CNTROB: variants seen among roughly 807,000 people sequenced by gnomAD.
CNTROB encodes the protein centrobin, centriole duplication and spindle assembly protein, also known as centrobin.
In CNTROB, 82 loss-of-function variants were observed where a neutral mutation model predicts 115.7. The ratio of observed to expected loss-of-function variants is 0.71; its 90% CI spans 0.59 to 0.85. The LOEUF (loss-of-function observed/expected upper bound fraction) is 0.85. Among genes scored for constraint, CNTROB ranks in the 40% least tolerant of loss-of-function variants. The pLI is 0.00. For missense variants in CNTROB, 1,014 were observed against 1,144.4 expected (o/e 0.89, Z 1.64); for synonymous variants, 439 against 456.4 (o/e 0.96, Z 0.49).
At chr17:7,945,145 C>A in intron 12 of CNTROB, among the ~76,000 whole-genome samples, 1 of 151,966 alleles carries the variant, frequency 6.6e-6, no homozygotes. Flanking sequence ...AAGTCCTGCC[C>A]CAGAGTAGAG....
At chr17:7,937,284 A>G in intron 7 of CNTROB, 22 bp downstream of exon 7, 1 of 1,613,490 alleles carries the variant, frequency 6.2e-7, no homozygotes, top group Non-Finnish European at 8.5e-7. Context: ...GGACTGGGTT[A>G]ATTCCACTGG....
At position 7,948,843 on chromosome 17, in the gene CNTROB, G is replaced by A; in HGVS notation, c.2513+224G>A. 1 of 1,458,604 alleles carries A rather than the reference G, an allele frequency of 6.9e-7. No individual in the cohort carries two copies. The highest frequency in any genetic ancestry group is 9.0e-7 in the Non-Finnish European group (1 of 1,105,378). The allele number at this position is 1,458,604 out of a possible 1,614,324, so 90.4% of individuals were successfully genotyped here. ...CTAAACAAAAAAATCTTTTCCCCGG[G>A]TCTCTCTACCTTCGTTTTTTTCCTC... is the stretch of plus-strand genomic sequence containing the variant. On this transcript the variant is annotated intron_variant, in intron 17 of 18. Coordinates refer to ENST00000563694, the MANE Select transcript of CNTROB (RefSeq NM_053051.5). The surrounding 1 kb of genome is among the most constrained non-coding windows in gnomAD (Gnocchi z 4.4).
intron 7 of CNTROB, among the ~76,000 whole-genome samples, chr17:7,938,736 G>A (rs1322642259): frequency 1.3e-5 from 2 of 152,152 alleles, no homozygotes; most frequent in African/African-American, 4.8e-5. Context: ...TCTGGAACAG[G>A]AACTCTTATC....
rs750801100 is a variant in CNTROB, at chr17:7,935,119, T to C, written c.568T>C (p.Leu190=). The stretch of plus-strand genomic sequence containing the variant: ...AGATTTTCAGGGGCTGAGAGATGCA[T>C]TGGATTCAGAGCATACCCGCCGCAA... ...PPDFQGLRDA[L]DSEHTRRKHC... is the part of the protein sequence containing the mutation. The change falls in exon 4 of 19, where the codon TTG becomes CTG. Residue 190 remains leucine (L), a synonymous_variant. Coordinates refer to ENST00000563694, the MANE Select transcript of CNTROB (RefSeq NM_053051.5). The C allele has an allele frequency of 9.3e-6, 15 of 1,613,916 alleles. No homozygotes were observed. In the Admixed American group the frequency reaches 1.2e-4, roughly 13 times the overall value.
At position 7,933,237 on chromosome 17, in the gene CNTROB, G is replaced by A. The variant is rs149102058; in HGVS notation, c.158G>A (p.Arg53Gln). The stretch of plus-strand genomic sequence containing the variant: ...AGCCGGCAGGCGGAGGCCACGGCCC[G>A]AGCCCAGCTGTATTTACCCTCCACC... ...RLSRQAEATA[R>Q]AQLYLPSTSP... The change falls in exon 1 of 19, where the codon CGA becomes CAA. Residue 53 changes from arginine (R) to glutamine (Q), a missense_variant. By Grantham distance (43) the Arg-to-Gln change is conservative. Coordinates refer to ENST00000563694, the MANE Select transcript of CNTROB (RefSeq NM_053051.5). The A allele has an allele frequency of 3.3e-5, 54 of 1,614,124 alleles. No individual in the cohort carries two copies. The highest frequency in any genetic ancestry group is 4.2e-5 in the Non-Finnish European group (49 of 1,180,058).
chr17:7,934,497 A>T lies in CNTROB; in HGVS notation c.388A>T (p.Arg130Ter), dbSNP rs953334996. The change falls in exon 3 of 19, where the codon AGA (arginine) becomes TGA (stop). Residue 130 changes from arginine (R) to a stop codon, truncating the protein, a stop_gained. Transcript: ENST00000563694. LOFTEE classifies it high-confidence loss of function. Reference sequence around the variant, plus strand: ...TCTCATTCCTGGCGCTGGCTCAGAGAGACGGGAAGAGGACTCCTTTGACAG... The same window carrying T: ...TCTCATTCCTGGCGCTGGCTCAGAGTGACGGGAAGAGGACTCCTTTGACAG... ...DPLIPGAGSE[R>*]REEDSFDSDS... is the part of the protein sequence containing the mutation. 2.5e-6 allele frequency: 4 copies of T among 1,613,972 alleles called. No individual in the cohort carries two copies. The highest frequency in any genetic ancestry group is 3.4e-6 in the Non-Finnish European group (4 of 1,180,012).
chr17:7,943,544 T>C lies in CNTROB; in HGVS notation c.1445+20T>C, dbSNP rs1277838632. The C allele has an allele frequency of 6.2e-7, 1 of 1,602,350 alleles. No individual in the cohort carries two copies. Among genetic ancestry groups the C allele is most frequent in the Admixed American group, 1.7e-5 (1 of 59,380 alleles). On this transcript the variant is annotated intron_variant, in intron 10 of 18. Transcript: ENST00000563694. The surrounding 1 kb of genome is among the most constrained non-coding windows in gnomAD (Gnocchi z 4.7). ...TCACAGGTACGTGGGACTCACTGGG[T>C]GTCACTTCTCTCAGCCACAGCACGT...
intron 7 of CNTROB, among the ~76,000 whole-genome samples, chr17:7,937,669 G>T (rs1973344675): frequency 6.6e-6 from 1 of 152,050 alleles, no homozygotes; most frequent in Non-Finnish European, 1.5e-5. Flanking sequence ...TGGACATGGT[G>T]GTGCATGCCT....
intron 9 of CNTROB, among the ~76,000 whole-genome samples, chr17:7,941,190 G>A (rs1243115648): frequency 9.0e-6 from 1 of 111,678 alleles, no homozygotes; most frequent in African/African-American, 3.4e-5. Flanking sequence ...CTGTTTTTAT[G>A]TATAAAATGT....
At position 7,940,232 on chromosome 17, in the gene CNTROB, G is replaced by A. The variant is rs1210895133; in HGVS notation, c.1301G>A (p.Ser434Asn). Residue 434 changes from serine to asparagine, a missense_variant, in exon 9 of 19, where the codon AGC (serine) becomes AAC (asparagine). Transcript: ENST00000563694. ...RERDALQLEM[S>N]LVQARYESQR... ...AGAGATGCCCTGCAGCTGGAAATGA[G>A]CTTGGTGCAGGTCAGAAGGCAGAGG... 1 of 1,607,608 alleles carries A rather than the reference G, an allele frequency of 6.2e-7. No individual in the cohort carries two copies. Among genetic ancestry groups the A allele is most frequent in the Non-Finnish European group, 8.5e-7 (1 of 1,178,338 alleles).
At chr17:7,941,674 A>C (rs1357820610) in intron 9 of CNTROB, among the ~76,000 whole-genome samples, 1 of 150,730 alleles carries the variant, frequency 6.6e-6, no homozygotes, top group African/African-American at 2.4e-5. Flanking sequence ...AAGACTAAGA[A>C]AGCATCCGGG....
chr17:7,934,098 A>G (rs1249790032), intron 1 of CNTROB, 40 bp from the exon 2 acceptor site: 1 of 1,558,202 alleles, frequency 6.4e-7, no homozygotes, highest in Non-Finnish European at 8.9e-7. Context: ...GGAGATAGAT[A>G]ACACAGACTG....
In CNTROB at chr17:7,944,293, C is replaced by T; in HGVS notation, c.1571+45C>T. 2 of 1,605,976 alleles carry T rather than the reference C, an allele frequency of 1.2e-6. No homozygotes were observed. The highest frequency in any genetic ancestry group is 1.7e-6 in the Non-Finnish European group (2 of 1,172,692). On this transcript the variant is annotated intron_variant, in intron 11 of 18. Transcript: ENST00000563694. This position sits in a 1 kb window ranked among gnomAD's most constrained non-coding sequence, Gnocchi z 4.0. The stretch of plus-strand genomic sequence containing the variant: ...CCCTTTCAGGCCCCAGCCCCTTTCC[C>T]ATGGGTAGAGCCCAAACTGGGAACG...
In CNTROB at chr17:7,948,849, C is replaced by G; in HGVS notation, c.2513+230C>G. 6.9e-7 allele frequency: 1 copy of G among 1,458,382 alleles called. No individual in the cohort carries two copies. Among genetic ancestry groups the G allele is most frequent in the Non-Finnish European group, 9.0e-7 (1 of 1,105,450 alleles). The allele number at this position is 1,458,382 out of a possible 1,614,324, so 90.3% of individuals were successfully genotyped here. A position where few individuals can be genotyped will look rare whatever the true frequency, so the allele number is the denominator to read the frequency against. On this transcript the variant is annotated intron_variant, in intron 17 of 18. Coordinates refer to ENST00000563694, the MANE Select transcript of CNTROB (RefSeq NM_053051.5). The surrounding 1 kb of genome is among the most constrained non-coding windows in gnomAD (Gnocchi z 4.4). ...AAAAAAATCTTTTCCCCGGGTCTCT[C>G]TACCTTCGTTTTTTTCCTCTTTACC...
rs369077688 is a variant in CNTROB, at chr17:7,937,272, T to C, written c.927+10T>C. ...GGAAAGAGAGACACTGGTGAGAAGATTGGACTGGGTTAATTCCACTGGAAG... is the reference window on the plus strand; with the variant it reads ...GGAAAGAGAGACACTGGTGAGAAGACTGGACTGGGTTAATTCCACTGGAAG... On this transcript the variant is annotated intron_variant, in intron 7 of 18. Coordinates refer to ENST00000563694, the MANE Select transcript of CNTROB (RefSeq NM_053051.5). The C allele has an allele frequency of 1.3e-4, 202 of 1,613,874 alleles. 1 individual carries two copies. In the South Asian group the frequency reaches 1.3e-3, roughly 10 times the overall value.
Position 7,947,528 on chromosome 17 carries a change from C to T in CNTROB, c.1994-43C>T, listed in dbSNP as rs759810221. ...TGATTTGTGGAGAAGCCCCTTCCCC[C>T]CTGAACACACTTGCACCCACCCATA... On this transcript the variant is annotated intron_variant, in intron 13 of 18. Coordinates refer to ENST00000563694, the MANE Select transcript of CNTROB (RefSeq NM_053051.5). 3.3e-6 allele frequency: 5 copies of T among 1,536,154 alleles called. No individual in the cohort carries two copies. The Admixed American group carries it at 6.0e-5, about 18-fold the overall frequency.
Position 7,949,708 on chromosome 17 carries a change from G to T in CNTROB, c.*198G>T, listed in dbSNP as rs1441563175. The T allele has an allele frequency of 2.1e-6, 1 of 481,964 alleles. No homozygotes were observed. The highest frequency in any genetic ancestry group is 3.5e-6 in the Non-Finnish European group (1 of 287,738). The allele number at this position is 481,964 out of a possible 1,614,324, so 29.9% of individuals were successfully genotyped here. A position where few individuals can be genotyped will look rare whatever the true frequency, so the allele number is the denominator to read the frequency against. ...TTATATGTCATTTCCTGTGGGAAAA[G>T]ACATGAATGCTTTGGAAGACGGTCT... On this transcript the variant is annotated 3_prime_UTR_variant, in exon 19 of 19. Coordinates refer to ENST00000563694, the MANE Select transcript of CNTROB (RefSeq NM_053051.5).
rs151256364 is a variant in CNTROB at position 7,936,458 on chromosome 17, T to C, written c.687T>C (p.Asp229=). The change falls in exon 5 of 19, where the codon GAT becomes GAC. Residue 229 remains aspartate, a synonymous_variant. Coordinates refer to ENST00000563694, the MANE Select transcript of CNTROB (RefSeq NM_053051.5). ...AVAVAADRKK[D]TMIEQLDKTL... ...CTGTGGCTGCCGACCGCAAGAAAGATACCATGATTGAACAACTGGACAAGG... is the reference window on the plus strand; with the variant it reads ...CTGTGGCTGCCGACCGCAAGAAAGACACCATGATTGAACAACTGGACAAGG... 1.3e-6 allele frequency: 2 copies of C among 1,487,418 alleles called. No homozygotes were observed. The highest frequency in any genetic ancestry group is 1.9e-6 in the Non-Finnish European group (2 of 1,064,622). 92.1% of individuals were successfully genotyped at this position (1,487,418 alleles called of 1,614,324 possible).
chr17:7,949,337 G>A, intron 18 of CNTROB, 48 bp from the exon 19 acceptor site: 1 of 1,609,312 alleles, frequency 6.2e-7, no homozygotes, highest in Non-Finnish European at 8.5e-7. Flanking sequence ...GTGGGGAATT[G>A]AGAGGATCTG....
Sources: allele counts gnomAD v4.1 joint callset (sites outside exome capture counted in the v4.1 genomes callset), GRCh38; gene constraint gnomAD v4.1.1; non-coding constraint Gnocchi (gnomAD v3.1); transcripts MANE v1.5; gene names NCBI Gene and HGNC (gene_info 2026-07-23, HGNC 2026-07-21).